EYS: variants seen among roughly 807,000 people sequenced by gnomAD.
EYS encodes EGF-like photoreceptor maintenance factor, also known as protein eyes shut homolog.
EYS carries 250 observed loss-of-function variants against 282.1 expected under a neutral mutation model. That is an observed-to-expected ratio of 0.89 (90% CI 0.80 to 0.98). The LOEUF is 0.98. Among genes scored for constraint, EYS ranks in the 50% least tolerant of loss-of-function variants. The pLI is 0.00. For synonymous variants in EYS, 1,355 were observed against 1,282.9 expected, an observed-to-expected ratio of 1.06 and a Z score of -1.20; for missense variants, 4,016 against 3,709.0, an observed-to-expected ratio of 1.08 and a Z score of -2.15.
intron 22 of EYS, among the ~76,000 whole-genome samples, chr6:64,735,016 C>T (rs146485073): frequency 1.3e-5 from 2 of 152,142 alleles, no homozygotes; most frequent in Non-Finnish European, 2.9e-5. Flanking sequence ...ACATAATATG[C>T]ACTATATTAT....
chr6:64,873,860 T>C (rs1766666349), intron 19 of EYS, among the ~76,000 whole-genome samples: 1 of 152,010 alleles, frequency 6.6e-6, no homozygotes, highest in Admixed American at 6.6e-5. Context: ...ATTTTACAAA[T>C]GAAAAAATAA....
chr6:64,321,482 TGTGA>T (rs1291137002), intron 29 of EYS, among the ~76,000 whole-genome samples: 9 of 151,872 alleles, frequency 5.9e-5, no homozygotes, highest in Admixed American at 2.0e-4. Context: ...GTCGAAAGAA[TGTGA>T]GTGATATTAT....
intron 2 of EYS, among the ~76,000 whole-genome samples, chr6:65,552,256 T>A (rs1371977995): frequency 1.3e-5 from 2 of 152,218 alleles, no homozygotes; most frequent in African/African-American, 4.8e-5. Flanking sequence ...TAGCTTTATG[T>A]TGTCTTTAAA....
chr6:64,020,552 G>A (rs985925637), intron 33 of EYS, among the ~76,000 whole-genome samples: 3 of 152,118 alleles, frequency 2.0e-5, no homozygotes, highest in African/African-American at 7.2e-5. Flanking sequence ...AGATGTGGTA[G>A]TAACAGGAAA....
intron 22 of EYS, among the ~76,000 whole-genome samples, chr6:64,712,260 A>T (rs1301754789): frequency 1.3e-5 from 2 of 152,250 alleles, no homozygotes; most frequent in Non-Finnish European, 2.9e-5. Flanking sequence ...TCTCAGCTAT[A>T]GAATATATAC....
Position 63,994,974 on chromosome 6 carries a change from C to A in EYS, c.6834+4101G>T, listed in dbSNP as rs573458924. ...GCTTCATTAGTTTTGACAATGATTT[C>A]TTGGTTATGACACCAAAAGCACAGG... is the stretch of plus-strand genomic sequence containing the variant. On this transcript the variant is annotated intron_variant, in intron 34 of 42. Coordinates refer to ENST00000503581, the MANE Select transcript of EYS (RefSeq NM_001142800.2). 1.9e-4 allele frequency among the ~76,000 whole-genome samples: 29 copies of A among 151,972 alleles called. No individual in the cohort carries two copies. The South Asian group carries it at 4.6e-3, about 24-fold the overall frequency.
At chr6:64,216,000 T>C (rs1765916594) in intron 31 of EYS, among the ~76,000 whole-genome samples, 1 of 152,118 alleles carries the variant, frequency 6.6e-6, no homozygotes, top group Non-Finnish European at 1.5e-5. Flanking sequence ...CAAGAAGACA[T>C]GAAATGTTGG....
intron 15 of EYS, among the ~76,000 whole-genome samples, chr6:64,942,494 A>T (rs926334206): frequency 6.9e-6 from 1 of 145,332 alleles, no homozygotes; most frequent in African/African-American, 2.6e-5. Context: ...AGAAAAAACG[A>T]CAGAAGATCC....
chr6:64,511,042 G>A (rs541214265), intron 26 of EYS, among the ~76,000 whole-genome samples: 1 of 151,772 alleles, frequency 6.6e-6, no homozygotes, highest in Non-Finnish European at 1.5e-5. Context: ...TAGCAAAGAT[G>A]GGAGAAATTG....
intron 18 of EYS, among the ~76,000 whole-genome samples, chr6:64,888,911 ATT>A (rs1385847103): frequency 6.6e-6 from 1 of 152,072 alleles, no homozygotes; most frequent in Non-Finnish European, 1.5e-5. Flanking sequence ...TCAAGAAATG[ATT>A]TGTTTCATAC....
At chr6:65,063,203 C>T (rs1773630704) in intron 12 of EYS, among the ~76,000 whole-genome samples, 1 of 151,880 alleles carries the variant, frequency 6.6e-6, no homozygotes, top group Non-Finnish European at 1.5e-5. Context: ...GTCTTTCAAT[C>T]TTCAATATTT....
At chr6:64,020,252 A>G (rs1325108790) in intron 33 of EYS, among the ~76,000 whole-genome samples, 1 of 152,168 alleles carries the variant, frequency 6.6e-6, no homozygotes, top group African/African-American at 2.4e-5. Flanking sequence ...GACAAATACT[A>G]TGGTGGTGAA....
intron 29 of EYS, among the ~76,000 whole-genome samples, chr6:64,359,785 A>G (rs1439461373): frequency 6.6e-6 from 1 of 151,632 alleles, no homozygotes; most frequent in Non-Finnish European, 1.5e-5. Context: ...TTAGGGCCCC[A>G]TCCTTATCAC....
intron 14 of EYS, among the ~76,000 whole-genome samples, chr6:64,973,596 T>A (rs1357480749): frequency 6.6e-6 from 1 of 151,988 alleles, no homozygotes; most frequent in Non-Finnish European, 1.5e-5. Flanking sequence ...TGGGAAACTT[T>A]ATTATTTTTG....
chr6:63,832,816 A>C (rs1771684053), intron 36 of EYS, among the ~76,000 whole-genome samples: 1 of 152,238 alleles, frequency 6.6e-6, no homozygotes, highest in South Asian at 2.1e-4. Flanking sequence ...AAAAATCCTC[A>C]ATAAAATACT....
intron 30 of EYS, among the ~76,000 whole-genome samples, chr6:64,242,017 T>C (rs1377233393): frequency 6.6e-6 from 1 of 152,190 alleles, no homozygotes; most frequent in Non-Finnish European, 1.5e-5. Flanking sequence ...GATTGCACTG[T>C]GGTCTGAGAG....
At chr6:65,537,955 A>C (rs1768022282) in intron 2 of EYS, among the ~76,000 whole-genome samples, 1 of 152,208 alleles carries the variant, frequency 6.6e-6, no homozygotes, top group Non-Finnish European at 1.5e-5. Flanking sequence ...GGTCAGGCTG[A>C]GTCTGAATCT....
At chr6:65,459,967 T>A (rs1376346868) in intron 5 of EYS, among the ~76,000 whole-genome samples, 1 of 56,792 alleles carries the variant, frequency 1.8e-5, no homozygotes, top group Non-Finnish European at 3.1e-5. Flanking sequence ...GTTTGTGTAT[T>A]TTATATATAT....
At chr6:65,519,708 ATTTTTTT>A (rs59743261) in intron 2 of EYS, among the ~76,000 whole-genome samples, 8 of 42,540 alleles carry the variant, frequency 1.9e-4, no homozygotes, top group East Asian at 1.1e-3. Flanking sequence ...ATATATATAT[ATTTTTTT>A]TTTTTTTTTT....
Sources: allele counts gnomAD v4.1 joint callset (sites outside exome capture counted in the v4.1 genomes callset), GRCh38; gene constraint gnomAD v4.1.1; transcripts MANE v1.5; gene names NCBI Gene and HGNC (gene_info 2026-07-23, HGNC 2026-07-21).